PLG: variants seen among roughly 807,000 people sequenced by gnomAD.
PLG encodes plasmin.
Under a neutral mutation model 104.4 loss-of-function variants are expected in PLG, and 41 were observed. The observed-to-expected ratio is 0.39, with a 90% CI of 0.31 to 0.51. The LOEUF is 0.51. Among genes scored for constraint, PLG ranks in the 20% least tolerant of loss-of-function variants. The probability of loss-of-function intolerance (pLI) is 0.76; values close to 1 mark genes in which losing one functional copy is unlikely to be tolerated. For missense variants in PLG, 891 were observed against 1,003.6 expected (o/e 0.89, Z 1.52); for synonymous variants, 337 against 357.1 (o/e 0.94, Z 0.63).
At chr6:160,746,612 T>C (rs1031028206) in intron 17 of PLG, among the ~76,000 whole-genome samples, 2 of 152,232 alleles carry the variant, frequency 1.3e-5, no homozygotes, top group Admixed American at 1.3e-4. Context: ...TTCCTATCCA[T>C]AGTCTGAATT....
chr6:160,717,873 A>G (rs1323026706), intron 7 of PLG, among the ~76,000 whole-genome samples: 1 of 152,192 alleles, frequency 6.6e-6, no homozygotes, highest in Non-Finnish European at 1.5e-5. Context: ...AAATTCCAAG[A>G]GAGGCTGAGC....
upstream of PLG, chr6:160,702,210 T>C (rs1380623065): frequency 7.2e-7 from 1 of 1,397,742 alleles, no homozygotes; most frequent in East Asian, 2.3e-5. Context: ...TAACTTAATT[T>C]GACTATCTGG....
rs561475082 is a variant in PLG at position 160,704,680 on chromosome 6, T to G, written c.50-1727T>G. ...GCTTTTTAGTGGATTAGCTTTAGAA[T>G]GCATCAGCCAACTCCTGCTCAATAA... On this transcript the variant is annotated intron_variant, in intron 1 of 18. Coordinates refer to ENST00000308192, the MANE Select transcript of PLG (RefSeq NM_000301.5). Among the ~76,000 whole-genome samples the G allele has an allele frequency of 4.6e-5, 7 of 152,342 alleles. No individual in the cohort carries two copies. In the East Asian group the frequency reaches 1.3e-3, roughly 29 times the overall value.
chr6:160,729,001 A>G (rs1343221798), intron 10 of PLG, among the ~76,000 whole-genome samples: 1 of 152,214 alleles, frequency 6.6e-6, no homozygotes, highest in Non-Finnish European at 1.5e-5. Flanking sequence ...CTCTCCATCC[A>G]TATATCTGAC....
In PLG at chr6:160,725,242, A is replaced by G. The variant is rs1281427006; in HGVS notation, c.1256+2675A>G. On this transcript the variant is annotated intron_variant, in intron 10 of 18. Transcript: ENST00000308192. The surrounding 1 kb of genome is among the most constrained non-coding windows in gnomAD (Gnocchi z 6.3). ...CAAACAAACAAACAAACAAAAAGAT[A>G]ATAATTTACTACTTGAAGCAAAATG... is the stretch of plus-strand genomic sequence containing the variant. Among the ~76,000 whole-genome samples the G allele has an allele frequency of 6.6e-6, 1 of 152,108 alleles. No homozygotes were observed. Among genetic ancestry groups the G allele is most frequent in the Non-Finnish European group, 1.5e-5 (1 of 68,014 alleles).
intron 1 of PLG, among the ~76,000 whole-genome samples, chr6:160,704,848 C>A (rs1295212081): frequency 1.3e-5 from 2 of 152,184 alleles, no homozygotes; most frequent in South Asian, 2.1e-4. Context: ...GCTCTGTGTA[C>A]CCTCAGGAGG....
In PLG at chr6:160,735,474, G is replaced by A. The variant is rs1028060069; in HGVS notation, c.1681+1386G>A. 9.9e-5 allele frequency among the ~76,000 whole-genome samples: 15 copies of A among 152,188 alleles called. No homozygotes were observed. Among genetic ancestry groups the A allele is most frequent in the African/African-American group, 3.6e-4 (15 of 41,442 alleles). On this transcript the variant is annotated intron_variant, in intron 13 of 18. Transcript: ENST00000308192. This position sits in a 1 kb window ranked among gnomAD's most constrained non-coding sequence, Gnocchi z 5.4. ...GAGATTGGAGAAAGAAGGAAGAATG[G>A]GAACAAGATTTTTCCCAAAGGACTG...
chr6:160,747,727 T>C (rs783181), intron 17 of PLG, among the ~76,000 whole-genome samples: 127,740 of 152,156 alleles, frequency 0.84, 53,778 homozygotes, highest in East Asian at 0.98. Flanking sequence ...TTAAAAACTT[T>C]ACCTCCTTGA....
At chr6:160,710,792 T>C (rs1410292270) in intron 3 of PLG, among the ~76,000 whole-genome samples, 1 of 152,186 alleles carries the variant, frequency 6.6e-6, no homozygotes, top group African/African-American at 2.4e-5. Flanking sequence ...TCCACTAGAA[T>C]GTAAGCTCCA....
chr6:160,747,846 T>C (rs1183955538), intron 17 of PLG, among the ~76,000 whole-genome samples: 2 of 152,332 alleles, frequency 1.3e-5, no homozygotes. Flanking sequence ...GCTCCCAGTG[T>C]TTTGCATTTT....
rs1272274291 is a variant in PLG at position 160,734,027 on chromosome 6, T to G, written c.1620T>G (p.Gly540=). Residue 540 remains glycine (G), a synonymous_variant, in exon 13 of 19, where the codon GGT becomes GGG. Coordinates refer to ENST00000308192, the MANE Select transcript of PLG (RefSeq NM_000301.5). The surrounding 1 kb of genome is among the most constrained non-coding windows in gnomAD (Gnocchi z 4.4). The part of the protein sequence containing the change: ...YCRNPDGDVG[G]PWCYTTNPRK... ...GTAACCCTGATGGTGATGTAGGTGG[T>G]CCCTGGTGCTACACGACAAATCCAA... 6.2e-7 allele frequency: 1 copy of G among 1,610,570 alleles called. No individual in the cohort carries two copies. Among genetic ancestry groups the G allele is most frequent in the Non-Finnish European group, 8.5e-7 (1 of 1,177,062 alleles).
In PLG at chr6:160,735,323, C is replaced by T. The variant is rs1582946396; in HGVS notation, c.1681+1235C>T. Among the ~76,000 whole-genome samples the T allele has an allele frequency of 6.6e-6, 1 of 152,276 alleles. No individual in the cohort carries two copies. The highest frequency in any genetic ancestry group is 1.9e-4 in the East Asian group (1 of 5,182). On this transcript the variant is annotated intron_variant, in intron 13 of 18. Transcript: ENST00000308192. This position sits in a 1 kb window ranked among gnomAD's most constrained non-coding sequence, Gnocchi z 5.4. ...TGAGCCCAGACTGATTTTCTTGCCT[C>T]AGACCCCACTACCGTGCCTGGGACT...
In PLG at chr6:160,744,401, T is replaced by C. The variant is rs1272548352; in HGVS notation, c.2125+2984T>C. On this transcript the variant is annotated intron_variant, in intron 17 of 18. Transcript: ENST00000308192. This position sits in a 1 kb window ranked among gnomAD's most constrained non-coding sequence, Gnocchi z 4.5. ...GTTCAGTCTTGGGAGGGTGTATGTG[T>C]CCAGGAATTTATCCATCTCTTTTAG... Among the ~76,000 whole-genome samples the C allele has an allele frequency of 6.6e-6, 1 of 152,204 alleles. No homozygotes were observed. Among genetic ancestry groups the C allele is most frequent in the African/African-American group, 2.4e-5 (1 of 41,448 alleles).
chr6:160,707,828 T>C, intron 3 of PLG, 22 bp downstream of exon 3: 1 of 1,528,102 alleles, frequency 6.5e-7, no homozygotes, highest in Non-Finnish European at 9.1e-7. Flanking sequence ...TTCTTCCTCC[T>C]CCTCCTACTG....
chr6:160,718,019 A>T (rs1426350156), intron 7 of PLG, among the ~76,000 whole-genome samples: 2 of 152,174 alleles, frequency 1.3e-5, no homozygotes, highest in African/African-American at 2.4e-5. Flanking sequence ...CCGGAGGCCG[A>T]GGTGGGCGGA....
Position 160,738,415 on chromosome 6 carries a change from G to A in PLG, c.1803-123G>A. The A allele has an allele frequency of 1.3e-6, 1 of 754,862 alleles. No homozygotes were observed. The highest frequency in any genetic ancestry group is 2.6e-5 in the East Asian group (1 of 38,868). The allele number at this position is 754,862 out of a possible 1,614,324, so 46.8% of individuals were successfully genotyped here. Reference sequence around the variant, plus strand: ...CTACCATCCTGATGCTGGGCTTGCAGTCCTTTCCTTTGGGAATATGAACAT... The same window carrying A: ...CTACCATCCTGATGCTGGGCTTGCAATCCTTTCCTTTGGGAATATGAACAT... On this transcript the variant is annotated intron_variant, in intron 14 of 18. Coordinates refer to ENST00000308192, the MANE Select transcript of PLG (RefSeq NM_000301.5). The surrounding 1 kb of genome is among the most constrained non-coding windows in gnomAD (Gnocchi z 6.8).
chr6:160,707,936 A>G (rs1357454668), intron 3 of PLG, 130 bp downstream of exon 3: 4 of 800,028 alleles, frequency 5.0e-6, no homozygotes, highest in Non-Finnish European at 6.5e-6. Context: ...CTGAATTCTG[A>G]GTTAGGACAG....
At chr6:160,717,876 G>C (rs1168912048) in intron 7 of PLG, among the ~76,000 whole-genome samples, 3 of 152,198 alleles carry the variant, frequency 2.0e-5, no homozygotes, top group African/African-American at 7.2e-5. Context: ...TTCCAAGAGA[G>C]GCTGAGCAAA....
At position 160,718,769 on chromosome 6, in the gene PLG, C is replaced by T. The variant is rs142647215; in HGVS notation, c.1027C>T (p.Arg343Trp). 4.2e-5 allele frequency: 67 copies of T among 1,613,136 alleles called. No individual in the cohort carries two copies. In the African/African-American group the frequency reaches 6.4e-4, roughly 15 times the overall value. ...PWCHTTNSQV[R>W]WEYCKIPSCD... Reference sequence around the variant, plus strand: ...GTGCCATACAACCAACAGCCAAGTGCGGTGGGAGTACTGTAAGATACCGTC... The same window carrying T: ...GTGCCATACAACCAACAGCCAAGTGTGGTGGGAGTACTGTAAGATACCGTC... The change falls in exon 9 of 19, where the codon CGG becomes TGG. Residue 343 changes from arginine to tryptophan, a missense_variant. By Grantham distance (101) the Arg-to-Trp change is moderately radical. Around this residue, in one of 2 missense-constraint regions of PLG, gnomAD observed 854 missense variants for 932.1 expected, o/e 0.92. Coordinates refer to ENST00000308192, the MANE Select transcript of PLG (RefSeq NM_000301.5).
Sources: allele counts gnomAD v4.1 joint callset (sites outside exome capture counted in the v4.1 genomes callset), GRCh38; gene constraint gnomAD v4.1.1; regional missense constraint gnomAD v4.1.1; non-coding constraint Gnocchi (gnomAD v3.1); transcripts MANE v1.5; gene names NCBI Gene and HGNC (gene_info 2026-07-23, HGNC 2026-07-21).